CNTN3: variants seen among roughly 807,000 people sequenced by gnomAD.
CNTN3 encodes contactin-3.
Under a neutral mutation model 119.1 loss-of-function variants are expected in CNTN3, and 60 were observed. The observed-to-expected ratio is 0.50, with a 90% confidence interval of 0.41 to 0.62. The LOEUF is 0.62. CNTN3 is among the 20% of genes least tolerant of loss of function. The pLI, the probability that CNTN3 is intolerant of heterozygous loss-of-function variation, is 0.00. For missense variants in CNTN3, 1,101 were observed against 1,242.4 expected (o/e 0.89, Z 1.71); for synonymous variants, 450 against 438.7 (o/e 1.03, Z -0.32).
At chr3:74,402,180 G>T (rs1705211716) in intron 5 of CNTN3, among the ~76,000 whole-genome samples, 1 of 152,130 alleles carries the variant, frequency 6.6e-6, no homozygotes, top group Non-Finnish European at 1.5e-5. Flanking sequence ...CTTTTTGGTT[G>T]CTGTCTTACG....
intron 1 of CNTN3, among the ~76,000 whole-genome samples, chr3:74,588,760 A>G (rs1447743021): frequency 2.0e-5 from 3 of 152,180 alleles, no homozygotes; most frequent in Non-Finnish European, 4.4e-5. Context: ...AAACAGAGAT[A>G]CAGATCAATG....
chr3:74,609,605 T>A (rs1274328338), intron 1 of CNTN3, among the ~76,000 whole-genome samples: 4 of 152,152 alleles, frequency 2.6e-5, no homozygotes, highest in Non-Finnish European at 5.9e-5. Flanking sequence ...AAGTAGCAGG[T>A]GTCCAAGAGA....
chr3:74,420,615 G>C (rs1007724272), intron 5 of CNTN3, among the ~76,000 whole-genome samples: 2 of 152,198 alleles, frequency 1.3e-5, no homozygotes, highest in Non-Finnish European at 2.9e-5. Flanking sequence ...ACAAAACCAT[G>C]AACTGTGCTG....
chr3:74,273,359 G>A (rs1052822275), intron 20 of CNTN3, among the ~76,000 whole-genome samples: 2 of 152,172 alleles, frequency 1.3e-5, no homozygotes, highest in African/African-American at 4.8e-5. Flanking sequence ...GTGGAGGCTT[G>A]CATTGTGAAT....
chr3:74,335,159 A>T (rs1703360629), intron 12 of CNTN3, among the ~76,000 whole-genome samples: 3 of 152,192 alleles, frequency 2.0e-5, no homozygotes, highest in Admixed American at 2.0e-4. Flanking sequence ...ATGTAAGTTT[A>T]AAAATTAAAG....
chr3:74,457,713 A>T (rs1462970704), intron 4 of CNTN3, among the ~76,000 whole-genome samples: 1 of 152,074 alleles, frequency 6.6e-6, no homozygotes, highest in Non-Finnish European at 1.5e-5. Context: ...GAGAGAATAT[A>T]AAATCCATTA....
chr3:74,410,146 T>C (rs1701414185), intron 5 of CNTN3, among the ~76,000 whole-genome samples: 1 of 152,196 alleles, frequency 6.6e-6, no homozygotes, highest in South Asian at 2.1e-4. Context: ...CATATCTTGT[T>C]CTAATAGCCC....
chr3:74,412,314 T>C (rs927247705), intron 5 of CNTN3, among the ~76,000 whole-genome samples: 1 of 152,146 alleles, frequency 6.6e-6, no homozygotes, highest in African/African-American at 2.4e-5. Flanking sequence ...AGAAAAGTAA[T>C]GATGCAAACT....
At chr3:74,357,087 C>A (rs921181951) in intron 11 of CNTN3, among the ~76,000 whole-genome samples, 1 of 151,854 alleles carries the variant, frequency 6.6e-6, no homozygotes, top group Non-Finnish European at 1.5e-5. Context: ...CCATACCCAG[C>A]TAATTATTTT....
chr3:74,483,479 A>T (rs1702798548), intron 4 of CNTN3, among the ~76,000 whole-genome samples: 1 of 152,024 alleles, frequency 6.6e-6, no homozygotes, highest in South Asian at 2.1e-4. Flanking sequence ...CTAACTGCTC[A>T]TTGCCATGCT....
At chr3:74,503,253 C>G (rs1703196862) in intron 2 of CNTN3, among the ~76,000 whole-genome samples, 1 of 152,114 alleles carries the variant, frequency 6.6e-6, no homozygotes, top group South Asian at 2.1e-4. Context: ...TGAAAATTAA[C>G]CAACAGCCTG....
At chr3:74,329,006 G>A (rs992163234) in intron 13 of CNTN3, among the ~76,000 whole-genome samples, 4 of 152,178 alleles carry the variant, frequency 2.6e-5, no homozygotes, top group Non-Finnish European at 5.9e-5. Flanking sequence ...CCCAGAAGTT[G>A]TTTGGGGAAT....
chr3:74,500,731 T>A (rs1418551510), intron 2 of CNTN3, among the ~76,000 whole-genome samples: 1 of 152,026 alleles, frequency 6.6e-6, no homozygotes, highest in Non-Finnish European at 1.5e-5. Context: ...AATAAAAATA[T>A]TTATCATAAG....
chr3:74,538,933 A>C (rs1703802050), intron 1 of CNTN3, among the ~76,000 whole-genome samples: 1 of 152,012 alleles, frequency 6.6e-6, no homozygotes, highest in African/African-American at 2.4e-5. Flanking sequence ...GCCCATTTTA[A>C]CTGGGCAGTA....
At chr3:74,312,787 G>C (rs541490425) in intron 13 of CNTN3, among the ~76,000 whole-genome samples, 13 of 152,026 alleles carry the variant, frequency 8.6e-5, no homozygotes, top group African/African-American at 3.1e-4. Context: ...AAAATTACAA[G>C]GCATACTAAA....
At chr3:74,487,212 A>G (rs1702875506) in intron 3 of CNTN3, among the ~76,000 whole-genome samples, 2 of 152,196 alleles carry the variant, frequency 1.3e-5, no homozygotes, top group African/African-American at 4.8e-5. Context: ...GGAAAAGGTA[A>G]AGGCACTAAC....
At chr3:74,382,218 T>C (rs1039845923) in intron 5 of CNTN3, among the ~76,000 whole-genome samples, 2 of 151,976 alleles carry the variant, frequency 1.3e-5, no homozygotes, top group African/African-American at 4.8e-5. Flanking sequence ...AAAAAAAAAC[T>C]AATAATAGCA....
At chr3:74,425,004 A>C in intron 4 of CNTN3, 64 bp from the exon 5 acceptor site, 1 of 1,063,562 alleles carries the variant, frequency 9.4e-7, no homozygotes, top group Non-Finnish European at 1.4e-6. Context: ...ATTTTACACC[A>C]AGACCTTCCT....
At chr3:74,418,222 A>G (rs893050979) in intron 5 of CNTN3, among the ~76,000 whole-genome samples, 2 of 151,536 alleles carry the variant, frequency 1.3e-5, no homozygotes, top group African/African-American at 4.9e-5. Flanking sequence ...GAGACAAAGT[A>G]TTGCTATGTT....
Sources: gnomAD v4.1 joint callset for allele counts (sites outside exome capture counted in the v4.1 genomes callset) on GRCh38, gnomAD v4.1.1 for gene constraint, MANE v1.5 for transcripts, NCBI Gene and HGNC (gene_info 2026-07-23, HGNC 2026-07-21) for gene names.